CAMTA1: variants seen among roughly 807,000 people sequenced by gnomAD.
The protein encoded by CAMTA1 is calmodulin binding transcription activator 1, also known as calmodulin-binding transcription activator 1.
Under a neutral mutation model 170.9 loss-of-function variants are expected in CAMTA1, and 27 were observed. That is an observed-to-expected ratio of 0.16 (90% confidence interval 0.12 to 0.22). The LOEUF is 0.22. CAMTA1 is among the 10% of genes least tolerant of loss of function. The pLI, the probability that CAMTA1 is intolerant of heterozygous loss-of-function variation, is 1.00. For missense variants in CAMTA1, 1,619 were observed against 2,217.2 expected, an observed-to-expected ratio of 0.73 and a Z score of 5.42; for synonymous variants, 833 against 891.5, an observed-to-expected ratio of 0.93 and a Z score of 1.17.
At position 7,059,072 on chromosome 1, in the gene CAMTA1, G is replaced by A. The variant is rs973497108; in HGVS notation, c.235-32232G>A. On this transcript the variant is annotated intron_variant, in intron 3 of 22. Coordinates refer to ENST00000303635, the MANE Select transcript of CAMTA1 (RefSeq NM_015215.4). ...CGTCTGGGCCACCATCCGGGTTCCT[G>A]GGCTCTCCTTTCCATCCTCACCAGG... Among the ~76,000 whole-genome samples the A allele has an allele frequency of 5.3e-5, 8 of 152,270 alleles. No individual in the cohort carries two copies. The East Asian group carries it at 1.5e-3, about 29-fold the overall frequency.
chr1:7,621,392 G>T lies in CAMTA1; in HGVS notation c.511-19008G>T, dbSNP rs1477910139. 2.0e-5 allele frequency among the ~76,000 whole-genome samples: 3 copies of T among 152,240 alleles called. No homozygotes were observed. The East Asian group carries it at 5.8e-4, about 29-fold the overall frequency. ...ATTTTCAACAGGGGCTGTGGTCTGGGATGCCAGGAATTTCCCCTTGGCTCC... is the reference window on the plus strand; with the variant it reads ...ATTTTCAACAGGGGCTGTGGTCTGGTATGCCAGGAATTTCCCCTTGGCTCC... On this transcript the variant is annotated intron_variant, in intron 6 of 22. Coordinates refer to ENST00000303635, the MANE Select transcript of CAMTA1 (RefSeq NM_015215.4).
chr1:6,963,108 TCCCACCCTCTGGC>T (rs1557892703), intron 3 of CAMTA1, among the ~76,000 whole-genome samples: 1 of 149,118 alleles, frequency 6.7e-6, no homozygotes. Context: ...ATTTGACCCA[TCCCACCCTCTGGC>T]CTCACCCACT....
chr1:6,885,727 A>G (rs1673020462), intron 3 of CAMTA1, among the ~76,000 whole-genome samples: 1 of 152,180 alleles, frequency 6.6e-6, no homozygotes, highest in Non-Finnish European at 1.5e-5. Flanking sequence ...GTGAAAGCAG[A>G]GAAATACCAA....
rs143451906 is a variant in CAMTA1, at chr1:7,351,427, T to C, written c.438+101801T>C. Among the ~76,000 whole-genome samples, 765 of 152,290 alleles carry C rather than the reference T, an allele frequency of 5.0e-3. 8 individuals carry two copies. The highest frequency in any genetic ancestry group is 0.018 in the African/African-American group (736 of 41,564). ...GCTGCTCTGCTAGAGAGGGCCAAGGTACCTCCCACGACTCAGTGGTCACTG... is the reference window on the plus strand; with the variant it reads ...GCTGCTCTGCTAGAGAGGGCCAAGGCACCTCCCACGACTCAGTGGTCACTG... On this transcript the variant is annotated intron_variant, in intron 5 of 22. Coordinates refer to ENST00000303635, the MANE Select transcript of CAMTA1 (RefSeq NM_015215.4).
chr1:7,568,282 T>C (rs111161914), intron 6 of CAMTA1, among the ~76,000 whole-genome samples: 7,580 of 141,310 alleles, frequency 0.054, 741 homozygotes, highest in African/African-American at 0.19. Context: ...ATCATCATCA[T>C]CATCATCACC....
At chr1:7,653,324 C>T (rs1398105484) in intron 7 of CAMTA1, among the ~76,000 whole-genome samples, 9 of 152,244 alleles carry the variant, frequency 5.9e-5, no homozygotes, top group South Asian at 4.2e-4. Flanking sequence ...TGCAGTGGCC[C>T]GATCACAGCT....
In CAMTA1 at chr1:7,681,828, G is replaced by A. The variant is rs2096208627; in HGVS notation, c.2914+4095G>A. ...AACACTGCAGCCCTGGAGCTGAGGG[G>A]ATGGGGCGGGCCCTCTTCTGGCCAA... On this transcript the variant is annotated intron_variant, in intron 11 of 22. Coordinates refer to ENST00000303635, the MANE Select transcript of CAMTA1 (RefSeq NM_015215.4). This position sits in a 1 kb window ranked among gnomAD's most constrained non-coding sequence, Gnocchi z 4.6. 6.6e-6 allele frequency among the ~76,000 whole-genome samples: 1 copy of A among 152,236 alleles called. No homozygotes were observed. The highest frequency in any genetic ancestry group is 1.5e-5 in the Non-Finnish European group (1 of 68,042).
At chr1:6,861,719 G>T (rs570226954) in intron 3 of CAMTA1, among the ~76,000 whole-genome samples, 7 of 152,096 alleles carry the variant, frequency 4.6e-5, no homozygotes, top group Non-Finnish European at 8.8e-5. Flanking sequence ...ATTTTTAATT[G>T]TGGTAAAATA....
intron 3 of CAMTA1, among the ~76,000 whole-genome samples, chr1:6,962,658 C>T (rs1394533472): frequency 6.8e-6 from 1 of 147,750 alleles, no homozygotes; most frequent in African/African-American, 2.5e-5. Context: ...GTGGACCTGC[C>T]CCTGTCTGGT....
chr1:7,500,428 TTG>T lies in CAMTA1; in HGVS notation c.510+32540_510+32541del, dbSNP rs937832236. Among the ~76,000 whole-genome samples, 55 of 116,328 alleles carry T rather than the reference TTG, an allele frequency of 4.7e-4. 1 individual carries two copies. The highest frequency in any genetic ancestry group is 2.0e-3 in the Admixed American group (24 of 11,776). 76.3% of individuals were successfully genotyped at this position (116,328 alleles called of 152,430 possible). ...GTGTAGAGAGGATGGTGTGAGCCTG[TTG>T]TGTGTGTGTGTGCATGAGTGAGTGT... On this transcript the variant is annotated intron_variant, in intron 6 of 22. Coordinates refer to ENST00000303635, the MANE Select transcript of CAMTA1 (RefSeq NM_015215.4).
intron 5 of CAMTA1, among the ~76,000 whole-genome samples, chr1:7,390,382 C>T (rs1161363749): frequency 6.6e-6 from 1 of 152,210 alleles, no homozygotes; most frequent in African/African-American, 2.4e-5. Context: ...AGCCTCCCCT[C>T]AGAGCTCTAT....
chr1:7,767,434 T>C lies in CAMTA1; in HGVS notation c.*943T>C, dbSNP rs1206632100. 1 of 152,742 alleles carries C rather than the reference T, an allele frequency of 6.5e-6. No individual in the cohort carries two copies. Among genetic ancestry groups the C allele is most frequent in the Non-Finnish European group, 1.5e-5 (1 of 68,034 alleles). 9.5% of individuals were successfully genotyped at this position (152,742 alleles called of 1,614,324 possible). ...GGACATTTGCCACCTAAACGATCAG[T>C]GTGGTGCTGCGTTCTGGCCAGTAAA... On this transcript the variant is annotated 3_prime_UTR_variant, in exon 23 of 23. Coordinates refer to ENST00000303635, the MANE Select transcript of CAMTA1 (RefSeq NM_015215.4).
intron 3 of CAMTA1, among the ~76,000 whole-genome samples, chr1:6,902,041 A>T (rs1439484663): frequency 1.1e-5 from 1 of 95,150 alleles, no homozygotes; most frequent in Non-Finnish European, 2.3e-5. Context: ...TGAGACTGTC[A>T]CACACACACA....
chr1:6,898,994 C>T (rs1005334278), intron 3 of CAMTA1, among the ~76,000 whole-genome samples: 6 of 152,144 alleles, frequency 3.9e-5, no homozygotes, highest in African/African-American at 1.2e-4. Context: ...CCCACAAGCT[C>T]GCCTGTGGAT....
intron 4 of CAMTA1, among the ~76,000 whole-genome samples, chr1:7,218,154 A>G (rs1230587173): frequency 6.6e-6 from 1 of 152,218 alleles, no homozygotes; most frequent in African/African-American, 2.4e-5. Context: ...GTTTTTGAGA[A>G]GGCTGACAAC....
chr1:7,485,870 G>T (rs1299682515), intron 6 of CAMTA1, among the ~76,000 whole-genome samples: 1 of 152,210 alleles, frequency 6.6e-6, no homozygotes, highest in African/African-American at 2.4e-5. Flanking sequence ...GAGATGGTGG[G>T]CAACCCACAG....
intron 6 of CAMTA1, among the ~76,000 whole-genome samples, chr1:7,488,704 C>G (rs1236898857): frequency 6.6e-6 from 1 of 152,134 alleles, no homozygotes; most frequent in Non-Finnish European, 1.5e-5. Flanking sequence ...TAAATATATA[C>G]ATATGCATAC....
chr1:7,400,884 G>A (rs909650312), intron 5 of CAMTA1, among the ~76,000 whole-genome samples: 3 of 152,078 alleles, frequency 2.0e-5, no homozygotes, highest in African/African-American at 7.2e-5. Flanking sequence ...TATTTCAAGA[G>A]TTCTTTATAT....
chr1:7,318,402 T>G (rs1400850094), intron 5 of CAMTA1, among the ~76,000 whole-genome samples: 1 of 152,172 alleles, frequency 6.6e-6, no homozygotes, highest in Non-Finnish European at 1.5e-5. Context: ...ACTGGACAAC[T>G]TAACAGGGAA....
Sources: allele counts gnomAD v4.1 joint callset (sites outside exome capture counted in the v4.1 genomes callset), GRCh38; gene constraint gnomAD v4.1.1; non-coding constraint Gnocchi (gnomAD v3.1); transcripts MANE v1.5; gene names NCBI Gene and HGNC (gene_info 2026-07-23, HGNC 2026-07-21).